Variants in PAICS observed in about 807,000 individuals in gnomAD.
PAICS encodes bifunctional phosphoribosylaminoimidazole carboxylase/phosphoribosylaminoimidazole succinocarboxamide synthetase.
Under a neutral mutation model 53.7 loss-of-function variants are expected in PAICS, and 33 were observed. That is an observed-to-expected ratio of 0.61 (90% CI 0.47 to 0.82). The LOEUF is 0.82. Ranked by LOEUF, PAICS falls within the 40% of genes least tolerant of loss-of-function variation. The pLI is 0.00. For synonymous variants in PAICS, 141 were observed against 167.2 expected, an observed-to-expected ratio of 0.84 and a Z score of 1.21; for missense variants, 394 against 494.1, an observed-to-expected ratio of 0.80 and a Z score of 1.92.
intron 1 of PAICS, 100 bp from the exon 2 acceptor site, chr4:56,441,563 T>TG (rs1452780638): frequency 2.1e-6 from 1 of 476,934 alleles, no homozygotes; most frequent in Non-Finnish European, 3.7e-6. Context: ...TTAATATTAC[T>TG]TAATCACTGT....
chr4:56,414,954 A>G, the PAICS span, among the ~76,000 whole-genome samples: 1 of 152,238 alleles, frequency 6.6e-6, no homozygotes, highest in Non-Finnish European at 1.5e-5. Context: ...GTTTATAAAA[A>G]TACAACTGTG....
At chr4:56,431,852 T>C (rs1175081954), upstream of PAICS, among the ~76,000 whole-genome samples, 1 of 152,194 alleles carries the variant, frequency 6.6e-6, no homozygotes, top group Non-Finnish European at 1.5e-5. Context: ...AAATGATGTT[T>C]TCAGGACCAA....
chr4:56,429,283 CTGTT>C, the PAICS span, among the ~76,000 whole-genome samples: 3 of 152,180 alleles, frequency 2.0e-5, no homozygotes, highest in South Asian at 6.2e-4. Flanking sequence ...AGTTAGGTAA[CTGTT>C]TGGTTATCAT....
In PAICS at chr4:56,451,975, G is replaced by T. The variant is rs755330401; in HGVS notation, c.875G>T (p.Gly292Val). The T allele has an allele frequency of 1.2e-6, 2 of 1,608,010 alleles. No individual in the cohort carries two copies. Among genetic ancestry groups the T allele is most frequent in the Non-Finnish European group, 1.7e-6 (2 of 1,176,802 alleles). The change falls in exon 7 of 9, where the codon GGC (glycine) becomes GTC (valine). Residue 292 changes from glycine to valine, a missense_variant. Physicochemically the swap from Gly to Val is moderately radical, Grantham distance 109. Transcript: ENST00000512576. ...ATCAAGAAGGCCTGTGGAAATTTTGGCATTCCATGTGAACTTCGAGTAACA... is the reference window on the plus strand; with the variant it reads ...ATCAAGAAGGCCTGTGGAAATTTTGTCATTCCATGTGAACTTCGAGTAACA... Reference protein sequence around the residue: ...EKIKKACGNFGIPCELRVTSA... With the variant: ...EKIKKACGNFVIPCELRVTSA...
chr4:56,455,884 T>TTTCG (rs1474481170), intron 8 of PAICS, among the ~76,000 whole-genome samples: 3 of 152,212 alleles, frequency 2.0e-5, no homozygotes, highest in Non-Finnish European at 4.4e-5. Context: ...CATTATGGAC[T>TTTCG]TTCGGTGAGC....
At chr4:56,446,420 T>A (rs777543623) in intron 2 of PAICS, 2 of 717,466 alleles carry the variant, frequency 2.8e-6, no homozygotes, top group Non-Finnish European at 5.2e-6. Flanking sequence ...TCATTTAGCC[T>A]AGTGTTTTTA....
At chr4:56,425,340 C>T in the PAICS span, 1 of 352,586 alleles carries the variant, frequency 2.8e-6, no homozygotes, top group South Asian at 1.2e-4. Context: ...ATATGAAACA[C>T]AATACTGAGA....
chr4:56,426,262 G>A, the PAICS span, among the ~76,000 whole-genome samples: 2 of 152,056 alleles, frequency 1.3e-5, no homozygotes, highest in African/African-American at 4.8e-5. Flanking sequence ...TTAGCTGGGC[G>A]TGGTGGCCGC....
At chr4:56,416,025 A>T in the PAICS span, among the ~76,000 whole-genome samples, 1 of 151,184 alleles carries the variant, frequency 6.6e-6, no homozygotes, top group Non-Finnish European at 1.5e-5. Flanking sequence ...AGCCGAGATC[A>T]CACCACTGCA....
chr4:56,429,451 G>A, the PAICS span, among the ~76,000 whole-genome samples: 1 of 152,142 alleles, frequency 6.6e-6, no homozygotes, highest in Non-Finnish European at 1.5e-5. Context: ...AATAATGGGA[G>A]CTGTAATTCC....
chr4:56,427,581 A>G, the PAICS span, among the ~76,000 whole-genome samples: 1 of 151,496 alleles, frequency 6.6e-6, no homozygotes, highest in Non-Finnish European at 1.5e-5. Context: ...CTGAGGCAGG[A>G]GGATCGCTTG....
intron 8 of PAICS, 24 bp from the exon 9 acceptor site, chr4:56,459,348 G>A: frequency 1.3e-6 from 2 of 1,508,102 alleles, no homozygotes; most frequent in East Asian, 2.3e-5. Flanking sequence ...TCAATTTTCT[G>A]TCTTTTCCTT....
At chr4:56,436,353 T>C in intron 1 of PAICS, 25 bp downstream of exon 1, 1 of 1,531,424 alleles carries the variant, frequency 6.5e-7, no homozygotes, top group Non-Finnish European at 9.0e-7. Flanking sequence ...TCCGGGCCCT[T>C]CACGGTCTCC....
chr4:56,435,625 CGCGCTGT>C, upstream of PAICS: 2 of 1,463,218 alleles, frequency 1.4e-6, no homozygotes, highest in African/African-American at 2.8e-5. Context: ...TGCGGCGGCG[CGCGCTGT>C]CCCTAGGTGG....
chr4:56,445,149 C>T (rs563780174), intron 2 of PAICS, among the ~76,000 whole-genome samples: 92 of 151,990 alleles, frequency 6.1e-4, no homozygotes, highest in African/African-American at 1.6e-3. Flanking sequence ...TTGAGTCTTA[C>T]GAGTCAGATT....
At chr4:56,426,636 A>G in the PAICS span, among the ~76,000 whole-genome samples, 1 of 152,134 alleles carries the variant, frequency 6.6e-6, no homozygotes, top group African/African-American at 2.4e-5. Flanking sequence ...TAATATTCCA[A>G]TTTACAGATA....
At position 56,461,418 on chromosome 4, in the gene PAICS, C is replaced by T. The variant is rs1205027982; in HGVS notation, c.*1880C>T. ...TGCTATTTCAGCTTGTTTACCCTTACCTAGCATTAAGACTCCATCTACTTC... is the reference window on the plus strand; with the variant it reads ...TGCTATTTCAGCTTGTTTACCCTTATCTAGCATTAAGACTCCATCTACTTC... On this transcript the variant is annotated 3_prime_UTR_variant, in exon 9 of 9. Coordinates refer to ENST00000512576, the MANE Select transcript of PAICS (RefSeq NM_001079524.2). 1.3e-5 allele frequency: 2 copies of T among 152,186 alleles called. No homozygotes were observed. The highest frequency in any genetic ancestry group is 3.8e-4 in the East Asian group (2 of 5,200). 9.4% of individuals were successfully genotyped at this position (152,186 alleles called of 1,614,324 possible). A position where few individuals can be genotyped will look rare whatever the true frequency, so the allele number is the denominator to read the frequency against.
At chr4:56,427,434 C>T in the PAICS span, among the ~76,000 whole-genome samples, 1 of 152,056 alleles carries the variant, frequency 6.6e-6, no homozygotes, top group African/African-American at 2.4e-5. Context: ...TGTTTTCCAC[C>T]ATGACTTCAC....
chr4:56,416,069 C>CA, the PAICS span, among the ~76,000 whole-genome samples: 12,075 of 139,332 alleles, frequency 0.087, 664 homozygotes, highest in Middle Eastern at 0.2. Flanking sequence ...GACTCTGTCT[C>CA]AAAAAAAAAA....
Sources: gnomAD v4.1 joint callset for allele counts (sites outside exome capture counted in the v4.1 genomes callset) on GRCh38, gnomAD v4.1.1 for gene constraint, MANE v1.5 for transcripts, NCBI Gene and HGNC (gene_info 2026-07-23, HGNC 2026-07-21) for gene names.